SLC25A25: variants seen among roughly 807,000 people sequenced by gnomAD.
The protein encoded by SLC25A25 is mitochondrial adenyl nucleotide antiporter SLC25A25.
A neutral mutation model predicts 57.7 loss-of-function variants in SLC25A25; 32 were observed. The ratio of observed to expected loss-of-function variants is 0.55; its 90% confidence interval spans 0.42 to 0.74. The LOEUF is 0.74. SLC25A25 is among the 30% of genes least tolerant of loss of function. The pLI, the probability that SLC25A25 is intolerant of heterozygous loss-of-function variation, is 0.00. For synonymous variants in SLC25A25, 306 were observed against 291.2 expected (o/e 1.05, Z -0.52); for missense variants, 556 against 701.3 (o/e 0.79, Z 2.34).
chr9:128,085,860 G>A (rs1472956854), intron 1 of SLC25A25, among the ~76,000 whole-genome samples: 1 of 151,750 alleles, frequency 6.6e-6, no homozygotes, highest in Admixed American at 6.6e-5. Context: ...CAAATATTTA[G>A]GTATTTTCCA....
chr9:128,101,022 G>T lies in SLC25A25; in HGVS notation c.262-74G>T. ...CGCAATTAGTGAAGTCATTGCCTGG[G>T]GATGGGGCCCCACAAGGGACAAGGA... On this transcript the variant is annotated intron_variant, in intron 1 of 10. Coordinates refer to ENST00000373069, the MANE Select transcript of SLC25A25 (RefSeq NM_001330988.2). The surrounding 1 kb of genome is among the most constrained non-coding windows in gnomAD (Gnocchi z 4.9). The T allele has an allele frequency of 6.3e-7, 1 of 1,599,302 alleles. No homozygotes were observed. The highest frequency in any genetic ancestry group is 1.1e-5 in the South Asian group (1 of 89,380).
Position 128,077,048 on chromosome 9 carries a change from TC to T in SLC25A25, c.261+8470del, listed in dbSNP as rs768863719. 4.6e-5 allele frequency among the ~76,000 whole-genome samples: 7 copies of T among 152,264 alleles called. No individual in the cohort carries two copies. The East Asian group carries it at 5.8e-4, about 13-fold the overall frequency. On this transcript the variant is annotated intron_variant, in intron 1 of 10. Transcript: ENST00000373069. ...CTTCAGGAGCAAGACAGAAAAGTGA[TC>T]CAAGGGCCCTTTATCTGAAATCTGT...
intron 1 of SLC25A25, among the ~76,000 whole-genome samples, chr9:128,084,172 A>G (rs1182455840): frequency 6.6e-6 from 1 of 152,094 alleles, no homozygotes; most frequent in Non-Finnish European, 1.5e-5. Context: ...AAACTAATTC[A>G]GGCCATGATG....
chr9:128,071,640 G>C (rs1157663268), intron 1 of SLC25A25, among the ~76,000 whole-genome samples: 1 of 148,360 alleles, frequency 6.7e-6, no homozygotes, highest in African/African-American at 2.5e-5. Context: ...TCAAACTCCT[G>C]ACCTCAGATG....
intron 1 of SLC25A25, 140 bp from the exon 2 acceptor site, chr9:128,100,956 G>A: frequency 6.9e-6 from 8 of 1,158,390 alleles, no homozygotes; most frequent in Non-Finnish European, 9.7e-6. Context: ...GGCTCTGAGA[G>A]TGGAGCAGAA....
Position 128,102,414 on chromosome 9 carries a change from G to A in SLC25A25, c.557G>A (p.Arg186Lys), listed in dbSNP as rs1833840932. 6.2e-7 allele frequency: 1 copy of A among 1,614,036 alleles called. No individual in the cohort carries two copies. The highest frequency in any genetic ancestry group is 1.3e-5 in the African/African-American group (1 of 75,008). Residue 186 changes from arginine to lysine, a missense_variant, in exon 5 of 11, where the codon AGA becomes AAA. Around this residue, in one of 3 missense-constraint regions of SLC25A25, gnomAD observed 248 missense variants for 273.5 expected, o/e 0.91. Transcript: ENST00000373069. This position sits in a 1 kb window ranked among gnomAD's most constrained non-coding sequence, Gnocchi z 4.1. ...GTMTIDWNEW[R>K]DYHLLHPVEN... ...ATGACCATTGACTGGAACGAGTGGA[G>A]AGACTACCACCTCCTCCACCCCGTG...
At chr9:128,078,232 T>A (rs763140050) in intron 1 of SLC25A25, among the ~76,000 whole-genome samples, 19 of 152,100 alleles carry the variant, frequency 1.2e-4, no homozygotes, top group Admixed American at 3.9e-4. Context: ...CAGGACTGGG[T>A]CTGGCACATA....
At chr9:128,072,215 C>G (rs1832923212) in intron 1 of SLC25A25, among the ~76,000 whole-genome samples, 1 of 152,170 alleles carries the variant, frequency 6.6e-6, no homozygotes, top group Non-Finnish European at 1.5e-5. Flanking sequence ...TCTTGTACCC[C>G]CATACCACTT....
chr9:128,096,107 A>AT (rs80328050), intron 1 of SLC25A25, among the ~76,000 whole-genome samples: 19,057 of 152,068 alleles, frequency 0.13, 1,298 homozygotes, highest in South Asian at 0.22. Flanking sequence ...GAAGACCAGC[A>AT]TTTTTTTTAA....
At position 128,079,731 on chromosome 9, in the gene SLC25A25, G is replaced by A. The variant is rs967572508; in HGVS notation, c.261+11151G>A. Among the ~76,000 whole-genome samples, 15 of 150,790 alleles carry A rather than the reference G, an allele frequency of 9.9e-5. 1 individual carries two copies. Among genetic ancestry groups the A allele is most frequent in the Admixed American group, 3.3e-4 (5 of 15,108 alleles). On this transcript the variant is annotated intron_variant, in intron 1 of 10. Transcript: ENST00000373069. ...GGAGGGGCCAGGCGCGGTGGCTCAC[G>A]CCTGTAATCCCAGCACTTTGGGAGG...
Position 128,106,293 on chromosome 9 carries a change from G to A in SLC25A25, c.1044+36G>A, listed in dbSNP as rs770667075. 5 of 1,613,930 alleles carry A rather than the reference G, an allele frequency of 3.1e-6. No homozygotes were observed. The Admixed American group carries it at 8.3e-5, about 27-fold the overall frequency. ...GCCTGGGTCCTGGGGCGGGCAGTGGGCACAGGACTGGGGAGAGGCACAGGC... is the reference window on the plus strand; with the variant it reads ...GCCTGGGTCCTGGGGCGGGCAGTGGACACAGGACTGGGGAGAGGCACAGGC... On this transcript the variant is annotated intron_variant, in intron 8 of 10. Coordinates refer to ENST00000373069, the MANE Select transcript of SLC25A25 (RefSeq NM_001330988.2).
Position 128,102,022 on chromosome 9 carries a change from C to A in SLC25A25, c.477-58C>A. 1.9e-6 allele frequency: 3 copies of A among 1,545,512 alleles called. No homozygotes were observed. The highest frequency in any genetic ancestry group is 2.6e-6 in the Non-Finnish European group (3 of 1,142,434). ...TGTGCTTGCTTCACTAACATGGCTC[C>A]GAGCACTTATGCGTGTTGTTTCTGC... On this transcript the variant is annotated intron_variant, in intron 3 of 10. Coordinates refer to ENST00000373069, the MANE Select transcript of SLC25A25 (RefSeq NM_001330988.2). The surrounding 1 kb of genome is among the most constrained non-coding windows in gnomAD (Gnocchi z 4.1).
At chr9:128,074,064 G>A (rs1409197643) in intron 1 of SLC25A25, among the ~76,000 whole-genome samples, 1 of 149,680 alleles carries the variant, frequency 6.7e-6, no homozygotes, top group African/African-American at 2.5e-5. Flanking sequence ...GTGTGTGACG[G>A]ATTCTCACTC....
chr9:128,103,246 C>T lies in SLC25A25; in HGVS notation c.625-435C>T, dbSNP rs757212685. Among the ~76,000 whole-genome samples, 31 of 152,218 alleles carry T rather than the reference C, an allele frequency of 2.0e-4. No homozygotes were observed. Among genetic ancestry groups the T allele is most frequent in the Non-Finnish European group, 4.1e-4 (28 of 68,040 alleles). On this transcript the variant is annotated intron_variant, in intron 5 of 10. Coordinates refer to ENST00000373069, the MANE Select transcript of SLC25A25 (RefSeq NM_001330988.2). The surrounding 1 kb of genome is among the most constrained non-coding windows in gnomAD (Gnocchi z 6.7). ...AAAGGTTACGCAGGCAGCGAGCCCT[C>T]GTGTTTGCTGAGGCGTTGCATAATG...
At position 128,105,806 on chromosome 9, in the gene SLC25A25, A is replaced by G; in HGVS notation, c.861A>G (p.Ser287=). ...TGATTCGAGAAGGAGGGGCCAGGTC[A>G]CTCTGGCGGGGCAATGGCATCAACG... ...TQMIREGGAR[S]LWRGNGINVL... is the part of the protein sequence containing the mutation. The change falls in exon 7 of 11, where the codon TCA becomes TCG. Residue 287 remains serine, a synonymous_variant. Transcript: ENST00000373069. 1.9e-6 allele frequency: 3 copies of G among 1,614,044 alleles called. No homozygotes were observed. The highest frequency in any genetic ancestry group is 2.5e-6 in the Non-Finnish European group (3 of 1,180,010).
chr9:128,098,615 G>A (rs757816321), intron 1 of SLC25A25: 23 of 1,614,030 alleles, frequency 1.4e-5, no homozygotes, highest in African/African-American at 6.7e-5. Flanking sequence ...AGCCCAGACC[G>A]AGTTCCAGTA....
intron 1 of SLC25A25, among the ~76,000 whole-genome samples, chr9:128,078,770 G>A (rs1833074805): frequency 1.3e-5 from 2 of 152,206 alleles, no homozygotes; most frequent in African/African-American, 4.8e-5. Flanking sequence ...CTAAGGCTCG[G>A]AGGCTGGGTT....
intron 1 of SLC25A25, among the ~76,000 whole-genome samples, chr9:128,097,923 G>A (rs756543374): frequency 2.6e-5 from 4 of 152,172 alleles, no homozygotes; most frequent in Non-Finnish European, 5.9e-5. Flanking sequence ...ACTGTGCCTG[G>A]AGCCGTGTGT....
rs1371315864 is a variant in SLC25A25, at chr9:128,105,726, C to A, written c.784-3C>A. 3.7e-6 allele frequency: 6 copies of A among 1,612,570 alleles called. No homozygotes were observed. The African/African-American group carries it at 8.0e-5, about 22-fold the overall frequency. On this transcript the variant is annotated splice_polypyrimidine_tract_variant and splice_region_variant and intron_variant, in intron 6 of 10. Transcript: ENST00000373069. ...CGTCTGACTGTTCGGTCCTCCCTCCCAGGTCCATGCCTCCCGCAGCAACAA... is the reference window on the plus strand; with the variant it reads ...CGTCTGACTGTTCGGTCCTCCCTCCAAGGTCCATGCCTCCCGCAGCAACAA...
Sources: gnomAD v4.1 joint callset for allele counts (sites outside exome capture counted in the v4.1 genomes callset) on GRCh38, gnomAD v4.1.1 for gene constraint, gnomAD v4.1.1 regional missense constraint, Gnocchi (gnomAD v3.1) non-coding constraint, MANE v1.5 for transcripts, NCBI Gene and HGNC (gene_info 2026-07-23, HGNC 2026-07-21) for gene names.